The following DGKI variants were observed in gnomAD, a reference collection of about 807,000 sequenced individuals.
The protein encoded by DGKI is DAG kinase iota.
In DGKI, 55 loss-of-function variants were observed where a neutral mutation model predicts 147.5. That is an observed-to-expected ratio of 0.37 (90% CI 0.30 to 0.47). The LOEUF (loss-of-function observed/expected upper bound fraction) is 0.47, where lower values mean the gene tolerates loss of function less well. Ranked by LOEUF, DGKI falls within the 20% of genes least tolerant of loss-of-function variation. DGKI has a pLI of 1.00. For synonymous variants in DGKI, 469 were observed against 477.1 expected, an observed-to-expected ratio of 0.98 and a Z score of 0.22; for missense variants, 1,007 against 1,323.8, an observed-to-expected ratio of 0.76 and a Z score of 3.71.
chr7:137,801,812 C>T (rs1318272677), intron 1 of DGKI, among the ~76,000 whole-genome samples: 1 of 152,126 alleles, frequency 6.6e-6, no homozygotes, highest in African/African-American at 2.4e-5. Flanking sequence ...GAAAAGCATC[C>T]TCCAAAAGAA....
chr7:137,721,319 T>C (rs1487857143), intron 1 of DGKI, among the ~76,000 whole-genome samples: 1 of 152,210 alleles, frequency 6.6e-6, no homozygotes, highest in Non-Finnish European at 1.5e-5. Flanking sequence ...ATCTGTAGAA[T>C]AAAATCCTAG....
chr7:137,424,569 C>A (rs1242467520), intron 28 of DGKI, among the ~76,000 whole-genome samples: 1 of 152,090 alleles, frequency 6.6e-6, no homozygotes, highest in African/African-American at 2.4e-5. Context: ...CGTGCGCGAG[C>A]CAAAGCAGGG....
rs1396562530 is a variant in DGKI at position 137,679,803 on chromosome 7, C to A, written c.511-1151G>T. ...AGGAGTTTGAGACCAGCCTGGCCAA[C>A]ATGGTGAAACCTCATCTCAACTAAA... On this transcript the variant is annotated intron_variant, in intron 2 of 32. Coordinates refer to ENST00000614521, the MANE Select transcript of DGKI (RefSeq NM_001321708.2). Among the ~76,000 whole-genome samples, 3 of 151,766 alleles carry A rather than the reference C, an allele frequency of 2.0e-5. No individual in the cohort carries two copies. In the East Asian group the frequency reaches 5.8e-4, roughly 29 times the overall value.
intron 1 of DGKI, among the ~76,000 whole-genome samples, chr7:137,753,200 A>G (rs1314918573): frequency 6.6e-6 from 1 of 152,204 alleles, no homozygotes. Context: ...ATGAGAAAGG[A>G]AAAGCAAGGT....
Position 137,391,354 on chromosome 7 carries a change from G to GAAA in DGKI, c.3058-21_3058-19dup. 8.9e-7 allele frequency: 1 copy of GAAA among 1,122,674 alleles called. No homozygotes were observed. The allele number at this position is 1,122,674 out of a possible 1,614,324, so 69.5% of individuals were successfully genotyped here. ...GTCTTACCCTATACGAAAATAGTGA[G>GAAA]AAAAAAAAAAAGAGAGAGAGAGATA... On this transcript the variant is annotated intron_variant, in intron 32 of 32. Coordinates refer to ENST00000614521, the MANE Select transcript of DGKI (RefSeq NM_001321708.2).
intron 19 of DGKI, among the ~76,000 whole-genome samples, chr7:137,560,804 A>C (rs949939969): frequency 1.3e-5 from 2 of 152,186 alleles, no homozygotes; most frequent in African/African-American, 4.8e-5. Flanking sequence ...AAAGACAAGG[A>C]AACTAATTCT....
chr7:137,588,475 C>CTTTTTTTTTTTTTTTTTT (rs71533759), intron 12 of DGKI, among the ~76,000 whole-genome samples: 2 of 116,722 alleles, frequency 1.7e-5, no homozygotes, highest in African/African-American at 7.3e-5. Flanking sequence ...CATACCGATG[C>CTTTTTTTTTTTTTTTTTT]TTTTTTTTTT....
At chr7:137,814,693 T>G (rs751468809) in intron 1 of DGKI, among the ~76,000 whole-genome samples, 4 of 152,096 alleles carry the variant, frequency 2.6e-5, no homozygotes, top group Non-Finnish European at 5.9e-5. Flanking sequence ...GCACAAACAT[T>G]GAGGTTTGAA....
Position 137,689,997 on chromosome 7 carries a change from G to A in DGKI, c.407C>T (p.Ala136Val). 1 of 1,596,280 alleles carries A rather than the reference G, an allele frequency of 6.3e-7. No individual in the cohort carries two copies. The part of the protein sequence containing the change: ...TFRKQVSYRK[A>V]ISRAGLQHLA... ...ATGCTGGAGGCCTGCCCGGGAGATT[G>A]CTTTCCTGCAGCAAGAAGAAAAACA... is the stretch of plus-strand genomic sequence containing the variant. The change falls in exon 2 of 33, where the codon GCA becomes GTA. Residue 136 changes from alanine (A) to valine (V), a missense_variant. By Grantham distance (64) the Ala-to-Val change is moderately conservative (BLOSUM62 0). Coordinates refer to ENST00000614521, the MANE Select transcript of DGKI (RefSeq NM_001321708.2).
At chr7:137,517,277 GAA>G (rs869275229) in intron 21 of DGKI, among the ~76,000 whole-genome samples, 170 of 51,480 alleles carry the variant, frequency 3.3e-3, no homozygotes, top group African/African-American at 0.013. Flanking sequence ...AGAAAGAAAA[GAA>G]AAAGAAAGAA....
chr7:137,493,815 GT>G (rs1268213205), intron 21 of DGKI: 8 of 701,604 alleles, frequency 1.1e-5, no homozygotes, highest in Non-Finnish European at 2.1e-5. Context: ...CCCAGCAATG[GT>G]TCTTAACCAG....
rs570743780 is a variant in DGKI at position 137,489,582 on chromosome 7, G to A, written c.2249-1893C>T. 3.3e-5 allele frequency among the ~76,000 whole-genome samples: 5 copies of A among 152,064 alleles called. No individual in the cohort carries two copies. In the East Asian group the frequency reaches 9.7e-4, roughly 29 times the overall value. ...AGACCTACTATAAAGATGGAAATAA[G>A]TTGATCCACCAAGATAAGAGCAGAA... On this transcript the variant is annotated intron_variant, in intron 21 of 32. Transcript: ENST00000614521.
chr7:137,405,889 T>G (rs193047715), intron 30 of DGKI, among the ~76,000 whole-genome samples: 4 of 152,186 alleles, frequency 2.6e-5, no homozygotes, highest in Admixed American at 2.6e-4. Context: ...AAAAAGGAGC[T>G]GACTGCAGCC....
At chr7:137,395,233 C>T (rs1811506063) in intron 32 of DGKI, among the ~76,000 whole-genome samples, 1 of 152,122 alleles carries the variant, frequency 6.6e-6, no homozygotes, top group Non-Finnish European at 1.5e-5. Flanking sequence ...AAGGAAAACC[C>T]CAAAGGGGCT....
chr7:137,566,074 A>G (rs1303268974), intron 19 of DGKI, among the ~76,000 whole-genome samples: 1 of 152,174 alleles, frequency 6.6e-6, no homozygotes, highest in East Asian at 1.9e-4. Flanking sequence ...AGTGTATTCC[A>G]TGATTTTAAG....
intron 1 of DGKI, among the ~76,000 whole-genome samples, chr7:137,730,758 A>G (rs539657902): frequency 3.6e-4 from 55 of 152,136 alleles, no homozygotes; most frequent in African/African-American, 1.3e-3. Context: ...CTTTCTGTGC[A>G]ACCTAAAATC....
At chr7:137,473,057 T>C (rs538439032) in intron 23 of DGKI, among the ~76,000 whole-genome samples, 7 of 152,288 alleles carry the variant, frequency 4.6e-5, no homozygotes, top group African/African-American at 1.7e-4. Flanking sequence ...ATTGAGGCAC[T>C]GCCTCAGCAA....
intron 1 of DGKI, among the ~76,000 whole-genome samples, chr7:137,720,994 G>C (rs767423043): frequency 7.9e-5 from 12 of 152,126 alleles, no homozygotes; most frequent in Non-Finnish European, 1.5e-4. Flanking sequence ...TGTATGAATA[G>C]ACTTACATAA....
rs1797689022 is a variant in DGKI, at chr7:137,814,730, GTAT to G, written c.401+31729_401+31731del. Among the ~76,000 whole-genome samples, 6 of 152,278 alleles carry G rather than the reference GTAT, an allele frequency of 3.9e-5. No individual in the cohort carries two copies. The South Asian group carries it at 1.2e-3, about 32-fold the overall frequency. The stretch of plus-strand genomic sequence containing the variant: ...TGAGACTAAGAAACAGACTCTGTAA[GTAT>G]TATTAAATGTTATAAGCACCCCCGC... On this transcript the variant is annotated intron_variant, in intron 1 of 32. Coordinates refer to ENST00000614521, the MANE Select transcript of DGKI (RefSeq NM_001321708.2).
Sources: gnomAD v4.1 joint callset for allele counts (sites outside exome capture counted in the v4.1 genomes callset) on GRCh38, gnomAD v4.1.1 for gene constraint, MANE v1.5 for transcripts, NCBI Gene and HGNC (gene_info 2026-07-23, HGNC 2026-07-21) for gene names.